Variants in PKP2 observed in about 807,000 individuals in gnomAD.
PKP2 encodes the protein plakophilin-2.
A neutral mutation model predicts 83.4 loss-of-function variants in PKP2; 73 were observed. The observed-to-expected ratio is 0.88, with a 90% CI of 0.72 to 1.06. The LOEUF (loss-of-function observed/expected upper bound fraction) is 1.06, where lower values mean the gene tolerates loss of function less well. Ranked by LOEUF, PKP2 falls within the 50% of genes least tolerant of loss-of-function variation. PKP2 has a pLI of 0.00. For synonymous variants in PKP2, 409 were observed against 430.4 expected, an observed-to-expected ratio of 0.95 and a Z score of 0.62; for missense variants, 966 against 1,065.4, an observed-to-expected ratio of 0.91 and a Z score of 1.30.
At chr12:32,892,439 A>G (rs10844376) in intron 1 of PKP2, among the ~76,000 whole-genome samples, 79,470 of 151,110 alleles carry the variant, frequency 0.53, 24,169 homozygotes, top group Non-Finnish European at 0.71. Context: ...CAGGCTCCCT[A>G]GTAGCTGGGA....
rs1034972298 is a variant in PKP2 at position 32,821,487 on chromosome 12, T to C, written c.1882A>G (p.Lys628Glu). 1 of 1,614,062 alleles carries C rather than the reference T, an allele frequency of 6.2e-7. No homozygotes were observed. The highest frequency in any genetic ancestry group is 2.2e-5 in the East Asian group (1 of 44,848). ...GAATGCCACAGCCACTCCACGCCCT[T>C]GGGGTTGCTCTTTTCCTCCGGCATC... is the stretch of plus-strand genomic sequence containing the variant. ...VPMPEEKSNP[K>E]GVEWLWHSIV... The change falls in exon 9 of 13, where the codon AAG (lysine) becomes GAG (glutamate). Residue 628 changes from lysine to glutamate, a missense_variant. Transcript: ENST00000340811.
In PKP2 at chr12:32,868,983, C is replaced by T. The variant is rs200586695; in HGVS notation, c.1114G>A (p.Ala372Thr). 112 of 1,613,884 alleles carry T rather than the reference C, an allele frequency of 6.9e-5. No individual in the cohort carries two copies. The highest frequency in any genetic ancestry group is 8.2e-5 in the Non-Finnish European group (97 of 1,180,002). Residue 372 changes from alanine (A) to threonine (T), a missense_variant, in exon 4 of 13, where the codon GCT becomes ACT. Coordinates refer to ENST00000340811, the MANE Select transcript of PKP2 (RefSeq NM_001005242.3). ...ADHMLPSRIS[A>T]AATFIQHECF... The stretch of plus-strand genomic sequence containing the variant: ...TCGTGCTGTATGAAAGTAGCTGCAG[C>T]AGAAATCCTGGATGGCAGCATGTGG...
Position 32,877,980 on chromosome 12 carries a change from C to A in PKP2, c.900G>T (p.Thr300=). The change falls in exon 3 of 13, where the codon ACG becomes ACT. Residue 300 remains threonine, a synonymous_variant. Transcript: ENST00000340811. ...CGACACTGGGCCCAGCTTCCCTCAG[C>A]GTGCGGGTGCTGTGGAAGGAGCTCT... The part of the protein sequence containing the change: ...WHQSSFHSTR[T]LREAGPSVAV... 1.9e-6 allele frequency: 3 copies of A among 1,614,058 alleles called. No homozygotes were observed. In the South Asian group the frequency reaches 3.3e-5, roughly 18 times the overall value.
At position 32,868,945 on chromosome 12, in the gene PKP2, T is replaced by C. The variant is rs1230746573; in HGVS notation, c.1152A>G (p.Lys384=). The change falls in exon 4 of 13, where the codon AAA becomes AAG. Residue 384 remains lysine (K), a synonymous_variant. Coordinates refer to ENST00000340811, the MANE Select transcript of PKP2 (RefSeq NM_001005242.3). The stretch of plus-strand genomic sequence containing the variant: ...CACTCACCCTCTTCCGAGCTTCAGA[T>C]TTCTGGAAGCACTCGTGCTGTATGA... ...ATFIQHECFQ[K]SEARKRVNQL... is the part of the protein sequence containing the mutation. The C allele has an allele frequency of 1.4e-5, 22 of 1,613,358 alleles. No individual in the cohort carries two copies. The highest frequency in any genetic ancestry group is 8.3e-5 in the Admixed American group (5 of 60,002).
intron 1 of PKP2, among the ~76,000 whole-genome samples, chr12:32,892,818 C>T (rs200822997): frequency 9.9e-5 from 2 of 20,106 alleles, no homozygotes; most frequent in African/African-American, 1.8e-4. Flanking sequence ...GGGGTGGGGG[C>T]GGGGGGGGGG....
At chr12:32,850,452 C>T (rs950077200) in intron 5 of PKP2, among the ~76,000 whole-genome samples, 1 of 151,930 alleles carries the variant, frequency 6.6e-6, no homozygotes, top group Non-Finnish European at 1.5e-5. Context: ...GCCTGTAATC[C>T]CAGCTACTAG....
rs2137838328 is a variant in PKP2 at position 32,843,286 on chromosome 12, T to C, written c.1379-2081A>G. 1 of 1,359,344 alleles carries C rather than the reference T, an allele frequency of 7.4e-7. No individual in the cohort carries two copies. The highest frequency in any genetic ancestry group is 1.5e-5 in the African/African-American group (1 of 67,740). 84.2% of individuals were successfully genotyped at this position (1,359,344 alleles called of 1,614,324 possible). ...GTGAGCCACCGCGCCCGGCCAGCCA[T>C]TCCTACTTCTTAAATTGACTGTATG... On this transcript the variant is annotated intron_variant, in intron 5 of 12. Transcript: ENST00000340811.
In PKP2 at chr12:32,888,794, CT is replaced by C. The variant is rs35583236; in HGVS notation, c.223+7714del. On this transcript the variant is annotated intron_variant, in intron 1 of 12. Coordinates refer to ENST00000340811, the MANE Select transcript of PKP2 (RefSeq NM_001005242.3). ...AGGCGTGAGCCACTGCGCCCGGCCT[CT>C]TTTTTTTTTTTTTTTGAGACAGGGT... 2.7e-3 allele frequency among the ~76,000 whole-genome samples: 375 copies of C among 136,906 alleles called. 1 individual carries two copies. Among genetic ancestry groups the C allele is most frequent in the African/African-American group, 6.8e-3 (253 of 37,046 alleles). The allele number at this position is 136,906 out of a possible 152,430, so 89.8% of individuals were successfully genotyped here.
At position 32,796,219 on chromosome 12, in the gene PKP2, G is replaced by T; in HGVS notation, c.2247C>A (p.Ala749=). Residue 749 remains alanine, a synonymous_variant, in exon 11 of 13, where the codon GCC becomes GCA. Coordinates refer to ENST00000340811, the MANE Select transcript of PKP2 (RefSeq NM_001005242.3). ...PSTDLLIETT[A]SACYTLNNII... is the part of the protein sequence containing the mutation. ...TGTTGTTCAATGTGTAACAGGCAGA[G>T]GCTGTAGTTTCAATGAGAAGGTCAG... 1 of 1,613,752 alleles carries T rather than the reference G, an allele frequency of 6.2e-7. No individual in the cohort carries two copies. The highest frequency in any genetic ancestry group is 8.5e-7 in the Non-Finnish European group (1 of 1,179,780).
At chr12:32,811,597 C>A (rs1323396139) in intron 9 of PKP2, among the ~76,000 whole-genome samples, 1 of 152,218 alleles carries the variant, frequency 6.6e-6, no homozygotes, top group African/African-American at 2.4e-5. Flanking sequence ...CAGCATACCA[C>A]TATGTGCCAT....
At chr12:32,820,155 A>G (rs1415062726) in intron 9 of PKP2, 1 of 152,250 alleles carries the variant, frequency 6.6e-6, no homozygotes, top group African/African-American at 2.4e-5. Context: ...TGGTTTTAGC[A>G]TTTCACAATT....
chr12:32,818,728 T>C (rs1227448280), intron 9 of PKP2, among the ~76,000 whole-genome samples: 1 of 152,192 alleles, frequency 6.6e-6, no homozygotes, highest in Non-Finnish European at 1.5e-5. Context: ...TATTTCAGCT[T>C]GGGTTCTTTG....
chr12:32,835,332 C>A (rs1481299639), intron 6 of PKP2, among the ~76,000 whole-genome samples: 2 of 152,092 alleles, frequency 1.3e-5, no homozygotes, highest in African/African-American at 2.4e-5. Flanking sequence ...GGATTACAGG[C>A]ATGAGCCACC....
At chr12:32,817,813 G>A (rs144921981) in intron 9 of PKP2, among the ~76,000 whole-genome samples, 149 of 152,280 alleles carry the variant, frequency 9.8e-4, no homozygotes, top group African/African-American at 3.4e-3. Flanking sequence ...CAACCCCCGG[G>A]TCACAGTACC....
chr12:32,797,925 G>A (rs1477809570), intron 10 of PKP2, among the ~76,000 whole-genome samples: 1 of 152,008 alleles, frequency 6.6e-6, no homozygotes, highest in African/African-American at 2.4e-5. Flanking sequence ...AGAAGGCCGA[G>A]ACAGGAGGAT....
intron 10 of PKP2, among the ~76,000 whole-genome samples, chr12:32,797,338 C>G (rs905522038): frequency 2.7e-5 from 4 of 147,554 alleles, no homozygotes; most frequent in Non-Finnish European, 5.9e-5. Context: ...CCCTGCTACT[C>G]AGGAGGCTGA....
chr12:32,830,760 G>A (rs1037455001), intron 6 of PKP2, among the ~76,000 whole-genome samples: 5 of 152,118 alleles, frequency 3.3e-5, no homozygotes, highest in African/African-American at 1.2e-4. Flanking sequence ...AAAAAAATTA[G>A]CTGGGTGTAG....
intron 6 of PKP2, among the ~76,000 whole-genome samples, chr12:32,827,034 CT>C (rs1275185807): frequency 2.0e-5 from 3 of 152,204 alleles, no homozygotes; most frequent in Non-Finnish European, 4.4e-5. Context: ...TTTTCAACCT[CT>C]GGCCAGGATA....
At position 32,846,535 on chromosome 12, in the gene PKP2, G is replaced by A. The variant is rs145969684; in HGVS notation, c.1378+4231C>T. Among the ~76,000 whole-genome samples, 32 of 152,024 alleles carry A rather than the reference G, an allele frequency of 2.1e-4. No individual in the cohort carries two copies. In the East Asian group the frequency reaches 5.0e-3, roughly 24 times the overall value. ...TGAGGCCGGCAGATCACCTGAGGTC[G>A]GGAGTTCGAGACCAGCCTGACCAAC... On this transcript the variant is annotated intron_variant, in intron 5 of 12. Coordinates refer to ENST00000340811, the MANE Select transcript of PKP2 (RefSeq NM_001005242.3).
Sources: allele counts gnomAD v4.1 joint callset (sites outside exome capture counted in the v4.1 genomes callset), GRCh38; gene constraint gnomAD v4.1.1; transcripts MANE v1.5; gene names NCBI Gene and HGNC (gene_info 2026-07-23, HGNC 2026-07-21).